The following PCDH15 variants were observed in gnomAD, a reference collection of about 807,000 sequenced individuals.
The protein encoded by PCDH15 is protocadherin related 15.
Under a neutral mutation model 178.5 loss-of-function variants are expected in PCDH15, and 129 were observed. The observed-to-expected ratio is 0.72, with a 90% CI of 0.63 to 0.84. The LOEUF (loss-of-function observed/expected upper bound fraction) is 0.84. Ranked by LOEUF, PCDH15 falls within the 40% of genes least tolerant of loss-of-function variation. The probability of loss-of-function intolerance (pLI) is 0.00; values close to 1 mark genes in which losing one functional copy is unlikely to be tolerated. For synonymous variants in PCDH15, 800 were observed against 732.0 expected, an observed-to-expected ratio of 1.09 and a Z score of -1.50; for missense variants, 2,230 against 2,099.9, an observed-to-expected ratio of 1.06 and a Z score of -1.21.
intron 3 of PCDH15, chr10:54,864,886 T>C (rs1266539381): frequency 6.6e-6 from 1 of 152,156 alleles, no homozygotes; most frequent in Non-Finnish European, 1.5e-5. Context: ...TTATTTCAAA[T>C]ACATTTTTTT....
intron 2 of PCDH15, among the ~76,000 whole-genome samples, chr10:55,433,244 T>A (rs2132059266): frequency 6.6e-6 from 1 of 152,296 alleles, no homozygotes; most frequent in Non-Finnish European, 1.5e-5. Flanking sequence ...GTGGTATGTA[T>A]ACCCCATTGA....
chr10:55,050,726 C>G (rs749062128), intron 2 of PCDH15, among the ~76,000 whole-genome samples: 3 of 151,898 alleles, frequency 2.0e-5, no homozygotes, highest in Non-Finnish European at 2.9e-5. Flanking sequence ...TATATATTGC[C>G]AAAAGGAATA....
At position 55,019,523 on chromosome 10, in the gene PCDH15, T is replaced by G. The variant is rs114310194; in HGVS notation, c.-79-122023A>C. Among the ~76,000 whole-genome samples the G allele has an allele frequency of 6.4e-3, 980 of 152,282 alleles. 13 individuals are homozygous for G. The highest frequency in any genetic ancestry group is 0.023 in the African/African-American group (938 of 41,566). On this transcript the variant is annotated intron_variant, in intron 2 of 5. Coordinates refer to the PCDH15 transcript ENST00000458638. The stretch of plus-strand genomic sequence containing the variant: ...GAAAACAACTCAGGGTCTAGACCTG[T>G]AACAAACTGCACTGTGTGCAAGTGC...
chr10:54,682,472 T>C (rs914788708), intron 1 of PCDH15, among the ~76,000 whole-genome samples: 1 of 152,154 alleles, frequency 6.6e-6, no homozygotes, highest in African/African-American at 2.4e-5. Flanking sequence ...AATTCAGAAA[T>C]TGGTCATTTA....
intron 2 of PCDH15, among the ~76,000 whole-genome samples, chr10:55,349,252 T>A (rs989606751): frequency 3.9e-5 from 6 of 152,120 alleles, no homozygotes; most frequent in Non-Finnish European, 5.9e-5. Flanking sequence ...TAATCACCAG[T>A]GCTAGAAGAC....
At chr10:55,467,272 T>A (rs1839850232) in intron 2 of PCDH15, among the ~76,000 whole-genome samples, 1 of 152,076 alleles carries the variant, frequency 6.6e-6, no homozygotes, top group Non-Finnish European at 1.5e-5. Context: ...TAAGACTGTG[T>A]TCCTGGCAGC....
rs1371823914 is a variant in PCDH15 at position 53,806,779 on chromosome 10, G to A, written c.5023C>T (p.Pro1675Ser). ...NARPTLVTFA[P>S]CPVGTDNTAV... ...GTATTGTCAGTCCCCACAGGGCAAG[G>A]GGCAAATGTAACCAGAGTTGGTCTT... is the stretch of plus-strand genomic sequence containing the variant. The change falls in exon 38 of 38, where the codon CCT becomes TCT. Residue 1675 changes from proline to serine, a missense_variant. By Grantham distance (74) the Pro-to-Ser change is moderately conservative. Coordinates refer to ENST00000644397, the MANE Select transcript of PCDH15 (RefSeq NM_001384140.1). 5.6e-6 allele frequency: 9 copies of A among 1,613,706 alleles called. No individual in the cohort carries two copies. The highest frequency in any genetic ancestry group is 7.6e-6 in the Non-Finnish European group (9 of 1,179,810).
At chr10:55,000,653 CA>C (rs1459465608) in intron 2 of PCDH15, among the ~76,000 whole-genome samples, 4 of 152,130 alleles carry the variant, frequency 2.6e-5, no homozygotes, top group African/African-American at 9.7e-5. Context: ...ATGAAATCTT[CA>C]CAATTTATGT....
intron 2 of PCDH15, among the ~76,000 whole-genome samples, chr10:55,621,353 T>C (rs1422536747): frequency 1.3e-5 from 2 of 152,218 alleles, no homozygotes; most frequent in Non-Finnish European, 2.9e-5. Context: ...TTGTTGGCAA[T>C]GTGGAAAACC....
At chr10:54,734,903 T>C (rs2132706770) in intron 1 of PCDH15, among the ~76,000 whole-genome samples, 1 of 152,156 alleles carries the variant, frequency 6.6e-6, no homozygotes, top group South Asian at 2.1e-4. Flanking sequence ...TGGAAGTTTC[T>C]TTGGGGTAAT....
chr10:54,103,049 T>G (rs1333698378), intron 15 of PCDH15, among the ~76,000 whole-genome samples: 1 of 152,102 alleles, frequency 6.6e-6, no homozygotes, highest in African/African-American at 2.4e-5. Context: ...CATAAATTGG[T>G]GGGTAGTGTA....
At chr10:54,980,904 T>C (rs1273008990) in intron 2 of PCDH15, among the ~76,000 whole-genome samples, 1 of 152,060 alleles carries the variant, frequency 6.6e-6, no homozygotes, top group Non-Finnish European at 1.5e-5. Context: ...TCTACCTGAT[T>C]TTCATAGAAA....
At chr10:54,906,636 C>T (rs1157278305) in intron 2 of PCDH15, among the ~76,000 whole-genome samples, 3 of 152,158 alleles carry the variant, frequency 2.0e-5, no homozygotes, top group Non-Finnish European at 2.9e-5. Context: ...CCAACATCTC[C>T]GTGTCAGTTT....
chr10:55,487,737 A>G (rs1190453908), intron 2 of PCDH15, among the ~76,000 whole-genome samples: 1 of 151,656 alleles, frequency 6.6e-6, no homozygotes, highest in Non-Finnish European at 1.5e-5. Context: ...CCAATAGCAT[A>G]TATTTGAGTA....
intron 3 of PCDH15, among the ~76,000 whole-genome samples, chr10:54,418,732 T>A (rs1455152205): frequency 6.6e-6 from 1 of 151,870 alleles, no homozygotes; most frequent in Non-Finnish European, 1.5e-5. Flanking sequence ...AATTTGGGGG[T>A]GAGAAGGCCT....
At chr10:54,437,469 G>T (rs1380642707) in intron 3 of PCDH15, among the ~76,000 whole-genome samples, 1 of 152,136 alleles carries the variant, frequency 6.6e-6, no homozygotes, top group East Asian at 1.9e-4. Flanking sequence ...AATGTTATAA[G>T]TATTAGTAGT....
At chr10:55,602,009 G>A (rs1486813243) in intron 2 of PCDH15, among the ~76,000 whole-genome samples, 4 of 152,018 alleles carry the variant, frequency 2.6e-5, no homozygotes, top group African/African-American at 7.2e-5. Flanking sequence ...TGCCAGACAC[G>A]GCGCAGGTCA....
At chr10:55,412,879 T>TCACACACACACACACACACA (rs71014485) in intron 2 of PCDH15, among the ~76,000 whole-genome samples, 2 of 134,744 alleles carry the variant, frequency 1.5e-5, no homozygotes, top group African/African-American at 5.4e-5. Context: ...TCAACAATAA[T>TCACACACACACACACACACA]CACACACACA....
intron 2 of PCDH15, among the ~76,000 whole-genome samples, chr10:55,011,460 G>T (rs1041054323): frequency 6.6e-6 from 1 of 152,008 alleles, no homozygotes; most frequent in East Asian, 1.9e-4. Flanking sequence ...TTTCTTAAAC[G>T]GAAAACTAAG....
Sources: allele counts gnomAD v4.1 joint callset (sites outside exome capture counted in the v4.1 genomes callset), GRCh38; gene constraint gnomAD v4.1.1; transcripts MANE v1.5; gene names NCBI Gene and HGNC (gene_info 2026-07-23, HGNC 2026-07-21).